The following LHFPL6 variants were observed in gnomAD, a reference collection of about 807,000 sequenced individuals.
LHFPL6 encodes LHFPL tetraspan subfamily member 6 protein.
A neutral mutation model predicts 20.6 loss-of-function variants in LHFPL6; 9 were observed. The ratio of observed to expected loss-of-function variants is 0.44; its 90% CI spans 0.26 to 0.76. LHFPL6 has a LOEUF of 0.76. Among genes scored for constraint, LHFPL6 ranks in the 30% least tolerant of loss-of-function variants. LHFPL6 has a pLI of 0.20. For missense variants in LHFPL6, 218 were observed against 253.5 expected (o/e 0.86, Z 0.95); for synonymous variants, 105 against 98.7 (o/e 1.06, Z -0.38).
At chr13:39,536,813 CTT>C (rs1249027331) in intron 2 of LHFPL6, among the ~76,000 whole-genome samples, 3 of 152,224 alleles carry the variant, frequency 2.0e-5, no homozygotes, top group Non-Finnish European at 4.4e-5. Flanking sequence ...TGATTTACCT[CTT>C]GTCTACTTAA....
chr13:39,410,133 T>C (rs1340125313), intron 2 of LHFPL6, among the ~76,000 whole-genome samples: 1 of 152,232 alleles, frequency 6.6e-6, no homozygotes, highest in Non-Finnish European at 1.5e-5. Flanking sequence ...CATCAGATTT[T>C]GGATAACAAA....
At chr13:39,451,346 C>A (rs943792282) in intron 2 of LHFPL6, among the ~76,000 whole-genome samples, 2 of 152,168 alleles carry the variant, frequency 1.3e-5, no homozygotes, top group African/African-American at 4.8e-5. Flanking sequence ...GGAAAAACAT[C>A]AATTGGCAGT....
At chr13:39,466,921 A>T (rs1240357985) in intron 2 of LHFPL6, among the ~76,000 whole-genome samples, 1 of 152,200 alleles carries the variant, frequency 6.6e-6, no homozygotes, top group Non-Finnish European at 1.5e-5. Flanking sequence ...CTACACCATC[A>T]TTATTCATCT....
intron 2 of LHFPL6, among the ~76,000 whole-genome samples, chr13:39,497,843 C>T (rs1296865379): frequency 6.6e-6 from 1 of 152,120 alleles, no homozygotes; most frequent in Admixed American, 6.6e-5. Flanking sequence ...ATTTCAGTAG[C>T]AATCTTTTTA....
chr13:39,366,325 T>C (rs1870012087), intron 3 of LHFPL6, among the ~76,000 whole-genome samples: 1 of 152,214 alleles, frequency 6.6e-6, no homozygotes, highest in African/African-American at 2.4e-5. Flanking sequence ...TTAATATTCA[T>C]CATGCTATTT....
chr13:39,414,130 T>C (rs1439698072), intron 2 of LHFPL6, among the ~76,000 whole-genome samples: 1 of 152,250 alleles, frequency 6.6e-6, no homozygotes, highest in Non-Finnish European at 1.5e-5. Context: ...AACATTCTCA[T>C]ATGCCGTTTC....
chr13:39,390,662 C>T lies in LHFPL6; in HGVS notation c.386-12136G>A, dbSNP rs191551428. ...CATATAACCATGGAACACAACTGTA[C>T]GTGTACTCCTAAATCCATACAAATA... On this transcript the variant is annotated intron_variant, in intron 2 of 3. Transcript: ENST00000379589. 1.1e-3 allele frequency among the ~76,000 whole-genome samples: 169 copies of T among 152,210 alleles called. 1 individual carries two copies. Among genetic ancestry groups the T allele is most frequent in the Non-Finnish European group, 1.9e-3 (127 of 68,024 alleles).
intron 2 of LHFPL6, among the ~76,000 whole-genome samples, chr13:39,481,116 A>G (rs1002655914): frequency 1.3e-5 from 2 of 152,166 alleles, no homozygotes; most frequent in African/African-American, 4.8e-5. Context: ...AACTTGTATT[A>G]GTTTTATAAT....
At chr13:39,439,514 G>C (rs984154238) in intron 2 of LHFPL6, among the ~76,000 whole-genome samples, 2 of 152,132 alleles carry the variant, frequency 1.3e-5, no homozygotes, top group African/African-American at 4.8e-5. Flanking sequence ...TGCAATGTGA[G>C]GGGGACATAA....
chr13:39,558,295 C>T (rs9576858), intron 2 of LHFPL6, among the ~76,000 whole-genome samples: 13,319 of 152,068 alleles, frequency 0.088, 689 homozygotes, highest in East Asian at 0.23. Flanking sequence ...ATTCCTGCCT[C>T]GCGGTAGGGA....
At chr13:39,579,496 C>G (rs1270864336) in intron 2 of LHFPL6, among the ~76,000 whole-genome samples, 3 of 152,288 alleles carry the variant, frequency 2.0e-5, no homozygotes, top group South Asian at 4.1e-4. Flanking sequence ...GTCATTCTAT[C>G]AGATTCAGCT....
At chr13:39,589,423 T>C (rs1006209091) in intron 2 of LHFPL6, among the ~76,000 whole-genome samples, 1 of 152,110 alleles carries the variant, frequency 6.6e-6, no homozygotes, top group African/African-American at 2.4e-5. Flanking sequence ...TAAAGAAAAT[T>C]TTTTAAAAAC....
intron 3 of LHFPL6, among the ~76,000 whole-genome samples, chr13:39,354,255 T>C (rs1438365337): frequency 2.0e-5 from 3 of 152,140 alleles, no homozygotes; most frequent in African/African-American, 7.2e-5. Context: ...TGCAGGAATC[T>C]AGCCACAAAT....
intron 2 of LHFPL6, among the ~76,000 whole-genome samples, chr13:39,533,212 T>C (rs1041231843): frequency 6.6e-6 from 1 of 152,242 alleles, no homozygotes; most frequent in South Asian, 2.1e-4. Flanking sequence ...TATCTGGGTA[T>C]GTGGGTATAT....
At chr13:39,505,340 C>T (rs1253455877) in intron 2 of LHFPL6, among the ~76,000 whole-genome samples, 1 of 152,132 alleles carries the variant, frequency 6.6e-6, no homozygotes, top group East Asian at 1.9e-4. Context: ...TAATTGATGT[C>T]AGGAATCTGT....
intron 3 of LHFPL6, among the ~76,000 whole-genome samples, chr13:39,356,941 T>C (rs753035285): frequency 3.9e-5 from 6 of 152,204 alleles, no homozygotes; most frequent in Non-Finnish European, 7.3e-5. Context: ...AGGCCAAGGC[T>C]GGCAGATCAC....
intron 2 of LHFPL6, among the ~76,000 whole-genome samples, chr13:39,456,821 G>A (rs1463033364): frequency 6.7e-6 from 1 of 150,232 alleles, no homozygotes; most frequent in Non-Finnish European, 1.5e-5. Flanking sequence ...TTTTGAGACA[G>A]AGTCTTGCTC....
intron 2 of LHFPL6, among the ~76,000 whole-genome samples, chr13:39,519,841 A>AG (rs1870049927): frequency 6.6e-6 from 1 of 151,174 alleles, no homozygotes; most frequent in South Asian, 2.1e-4. Flanking sequence ...TTACTAACCA[A>AG]GGGGGGAAAA....
chr13:39,541,816 G>A (rs73466818), intron 2 of LHFPL6, among the ~76,000 whole-genome samples: 10 of 151,116 alleles, frequency 6.6e-5, no homozygotes, highest in Admixed American at 5.9e-4. Flanking sequence ...TTGGCTGGGT[G>A]CAGTGGCTCA....
Sources: allele counts gnomAD v4.1 joint callset (sites outside exome capture counted in the v4.1 genomes callset), GRCh38; gene constraint gnomAD v4.1.1; transcripts MANE v1.5; gene names NCBI Gene and HGNC (gene_info 2026-07-23, HGNC 2026-07-21).